TUSC3: variants seen among roughly 807,000 people sequenced by gnomAD.
TUSC3 encodes dolichyl-diphosphooligosaccharide--protein glycosyltransferase subunit TUSC3.
Under a neutral mutation model 44.8 loss-of-function variants are expected in TUSC3, and 45 were observed. That is an observed-to-expected ratio of 1.00 (90% confidence interval 0.79 to 1.29). The LOEUF is 1.29. Among genes scored for constraint, TUSC3 ranks in the 50% most tolerant of loss-of-function variants. TUSC3 has a pLI of 0.00. For synonymous variants in TUSC3, 212 were observed against 152.9 expected (o/e 1.39, Z -2.85); for missense variants, 519 against 437.9 (o/e 1.19, Z -1.65).
chr8:15,714,272 C>A (rs932669704), intron 6 of TUSC3, among the ~76,000 whole-genome samples: 1 of 152,114 alleles, frequency 6.6e-6, no homozygotes, highest in African/African-American at 2.4e-5. Context: ...TAAAGTAAAT[C>A]TGTGTAAATA....
chr8:15,685,094 G>A lies in TUSC3; in HGVS notation c.798+11258G>A, dbSNP rs144353705. On this transcript the variant is annotated intron_variant, in intron 6 of 10. Transcript: ENST00000503731. ...TGAACACCTTTGGTCACATTTTGCT[G>A]GAGCTGCACTGCGTAGTGAAACATT... 3.4e-3 allele frequency among the ~76,000 whole-genome samples: 525 copies of A among 152,304 alleles called. 3 individuals carry two copies. Among genetic ancestry groups the A allele is most frequent in the African/African-American group, 0.012 (505 of 41,552 alleles).
At chr8:15,781,408 A>G in the TUSC3 span, among the ~76,000 whole-genome samples, 3 of 152,156 alleles carry the variant, frequency 2.0e-5, no homozygotes, top group Admixed American at 6.5e-5. Flanking sequence ...TGGACAAACA[A>G]TGAAGAGACC....
chr8:15,514,523 C>G (rs906150865), intron 2 of TUSC3, among the ~76,000 whole-genome samples: 6 of 152,130 alleles, frequency 3.9e-5, no homozygotes, highest in African/African-American at 1.4e-4. Flanking sequence ...ACTTACCTTA[C>G]AATCATGCTG....
the TUSC3 span, among the ~76,000 whole-genome samples, chr8:15,773,248 G>A: frequency 6.6e-6 from 1 of 152,034 alleles, no homozygotes; most frequent in African/African-American, 2.4e-5. Flanking sequence ...TTTTTTAAAT[G>A]ATTAAAAATA....
At chr8:15,616,333 T>A (rs6989724) in intron 1 of TUSC3, among the ~76,000 whole-genome samples, 41,941 of 152,194 alleles carry the variant, frequency 0.28, 6,454 homozygotes, top group Non-Finnish European at 0.35. Context: ...ATCCCAGCAC[T>A]TTGGGAGGCC....
chr8:15,661,512 C>A (rs992142150), intron 4 of TUSC3, among the ~76,000 whole-genome samples: 1 of 151,864 alleles, frequency 6.6e-6, no homozygotes, highest in Non-Finnish European at 1.5e-5. Flanking sequence ...TTACATAGGT[C>A]CTGTTTTGTT....
intron 1 of TUSC3, among the ~76,000 whole-genome samples, chr8:15,591,791 G>T (rs1300518148): frequency 6.6e-6 from 1 of 152,090 alleles, no homozygotes; most frequent in African/African-American, 2.4e-5. Context: ...AGATTGGAGT[G>T]GTAGGCAGAG....
rs559128178 is a variant in TUSC3, at chr8:15,615,272, C to T, written c.139-7808C>T. Among the ~76,000 whole-genome samples the T allele has an allele frequency of 5.9e-5, 9 of 152,262 alleles. No individual in the cohort carries two copies. In the South Asian group the frequency reaches 1.2e-3, roughly 21 times the overall value. On this transcript the variant is annotated intron_variant, in intron 1 of 10. Coordinates refer to ENST00000503731, the MANE Select transcript of TUSC3 (RefSeq NM_006765.4). ...TGTATATACACAATGGAATGTTATT[C>T]AGCTGTAAGAAGAAATGAAATCTTG...
At chr8:15,477,441 T>C (rs1446681523) in intron 1 of TUSC3, among the ~76,000 whole-genome samples, 1 of 152,158 alleles carries the variant, frequency 6.6e-6, no homozygotes, top group East Asian at 1.9e-4. Context: ...GGTTATAAAA[T>C]ATAATTATAG....
intron 2 of TUSC3, among the ~76,000 whole-genome samples, chr8:15,639,570 A>C (rs944721862): frequency 3.3e-5 from 5 of 152,234 alleles, no homozygotes; most frequent in African/African-American, 9.6e-5. Context: ...TAAGCATTTA[A>C]AGATAAAACT....
At chr8:15,520,314 A>T (rs1801281253) in intron 2 of TUSC3, among the ~76,000 whole-genome samples, 1 of 152,220 alleles carries the variant, frequency 6.6e-6, no homozygotes, top group African/African-American at 2.4e-5. Flanking sequence ...ACTATCATAC[A>T]ACTGGATTTT....
the TUSC3 span, among the ~76,000 whole-genome samples, chr8:15,794,732 C>G: frequency 6.6e-6 from 1 of 151,898 alleles, no homozygotes; most frequent in Admixed American, 6.6e-5. Flanking sequence ...CTTTGGGAAC[C>G]CAAATTTTTT....
chr8:15,548,178 C>G (rs570238700), intron 1 of TUSC3, among the ~76,000 whole-genome samples: 1 of 151,546 alleles, frequency 6.6e-6, no homozygotes, highest in East Asian at 2.0e-4. Context: ...CCCAAACGAA[C>G]GAAGACAATT....
downstream of TUSC3, among the ~76,000 whole-genome samples, chr8:15,767,059 CA>C (rs1812352325): frequency 1.3e-5 from 2 of 151,850 alleles, no homozygotes; most frequent in Admixed American, 6.6e-5. Context: ...TGGATCAGAC[CA>C]ATATATGTAA....
intron 2 of TUSC3, among the ~76,000 whole-genome samples, chr8:15,648,725 CAAAAAAAA>C (rs58526383): frequency 1.3e-3 from 35 of 26,154 alleles, no homozygotes; most frequent in East Asian, 2.7e-3. Context: ...GACTCTGTGT[CAAAAAAAA>C]AAAAAAAAAA....
chr8:15,438,102 G>C (rs1250686266), intron 1 of TUSC3, among the ~76,000 whole-genome samples: 4 of 151,566 alleles, frequency 2.6e-5, no homozygotes, highest in Non-Finnish European at 5.9e-5. Context: ...TGTGTGTTTT[G>C]TTGGGTTTTT....
chr8:15,478,465 C>T (rs190591168), intron 1 of TUSC3, among the ~76,000 whole-genome samples: 119 of 152,136 alleles, frequency 7.8e-4, no homozygotes, highest in Admixed American at 2.3e-3. Context: ...GTGTGTTGTT[C>T]GCCTCTGTGT....
At chr8:15,520,659 G>A (rs1388275515) in intron 2 of TUSC3, among the ~76,000 whole-genome samples, 1 of 152,128 alleles carries the variant, frequency 6.6e-6, no homozygotes, top group Admixed American at 6.6e-5. Context: ...AGATTCACAG[G>A]TTTAACTCCT....
At chr8:15,427,060 TG>T (rs1437254474) in intron 1 of TUSC3, among the ~76,000 whole-genome samples, 2 of 150,116 alleles carry the variant, frequency 1.3e-5, no homozygotes, top group Non-Finnish European at 3.0e-5. Context: ...AATTAGTTTT[TG>T]TTTGTTGTTT....
Sources: allele counts gnomAD v4.1 joint callset (sites outside exome capture counted in the v4.1 genomes callset), GRCh38; gene constraint gnomAD v4.1.1; transcripts MANE v1.5; gene names NCBI Gene and HGNC (gene_info 2026-07-23, HGNC 2026-07-21).